The following SMOC2 variants were observed in gnomAD, a reference collection of about 807,000 sequenced individuals.
SMOC2 encodes SPARC related modular calcium binding 2.
In SMOC2, 39 loss-of-function variants were observed where a neutral mutation model predicts 61.4. The ratio of observed to expected loss-of-function variants is 0.64; its 90% CI spans 0.49 to 0.83. SMOC2 has a LOEUF of 0.83. Among genes scored for constraint, SMOC2 ranks in the 40% least tolerant of loss-of-function variants. The probability of loss-of-function intolerance (pLI) is 0.00; values close to 1 mark genes in which losing one functional copy is unlikely to be tolerated. For synonymous variants in SMOC2, 247 were observed against 239.9 expected (o/e 1.03, Z -0.27); for missense variants, 556 against 592.9 (o/e 0.94, Z 0.65).
chr6:168,588,062 T>G (rs1314084996), intron 7 of SMOC2, among the ~76,000 whole-genome samples: 1 of 151,732 alleles, frequency 6.6e-6, no homozygotes, highest in Non-Finnish European at 1.5e-5. Context: ...GTAAACGGTG[T>G]CCTTTTGTTT....
intron 1 of SMOC2, among the ~76,000 whole-genome samples, chr6:168,496,735 C>T (rs1429159141): frequency 6.6e-6 from 1 of 152,202 alleles, no homozygotes; most frequent in Non-Finnish European, 1.5e-5. Context: ...TGCCCATCTC[C>T]AAGATTGCAC....
At chr6:168,606,679 A>G (rs1785701813) in intron 8 of SMOC2, among the ~76,000 whole-genome samples, 1 of 152,236 alleles carries the variant, frequency 6.6e-6, no homozygotes, top group African/African-American at 2.4e-5. Context: ...AGAATGAAAA[A>G]AGAAAATAGG....
At chr6:168,588,527 A>G (rs1451761902) in intron 7 of SMOC2, among the ~76,000 whole-genome samples, 1 of 152,132 alleles carries the variant, frequency 6.6e-6, no homozygotes, top group African/African-American at 2.4e-5. Flanking sequence ...AAATGCCATC[A>G]GCTTTGGAGA....
chr6:168,531,399 C>A (rs559318018), intron 4 of SMOC2, among the ~76,000 whole-genome samples: 1 of 152,186 alleles, frequency 6.6e-6, no homozygotes, highest in Admixed American at 6.5e-5. Flanking sequence ...AAAGCGGTAA[C>A]GCAGGCTGAA....
intron 11 of SMOC2, among the ~76,000 whole-genome samples, chr6:168,660,768 G>T (rs192167579): frequency 2.0e-5 from 3 of 152,368 alleles, no homozygotes; most frequent in Admixed American, 2.0e-4. Context: ...GGCCCGAGCC[G>T]CAGTGTGGGG....
chr6:168,538,743 G>A (rs1270088695), intron 4 of SMOC2, among the ~76,000 whole-genome samples: 1 of 143,794 alleles, frequency 7.0e-6, no homozygotes, highest in Non-Finnish European at 1.5e-5. Context: ...GGAATGTGGG[G>A]GAGTGGGGTG....
intron 9 of SMOC2, among the ~76,000 whole-genome samples, chr6:168,638,090 T>C (rs1786792355): frequency 7.3e-6 from 1 of 136,376 alleles, no homozygotes; most frequent in South Asian, 2.7e-4. Context: ...GCCCCTGCCC[T>C]GCCCAGGAAG....
intron 1 of SMOC2, among the ~76,000 whole-genome samples, chr6:168,499,248 C>T (rs1374953795): frequency 1.3e-5 from 2 of 152,238 alleles, no homozygotes; most frequent in African/African-American, 4.8e-5. Flanking sequence ...GTGCTGCATG[C>T]TGCCGCTGAG....
chr6:168,501,202 CAAATA>C (rs1439267537), intron 1 of SMOC2, among the ~76,000 whole-genome samples: 4 of 152,146 alleles, frequency 2.6e-5, no homozygotes, highest in Non-Finnish European at 5.9e-5. Context: ...TACTGAATCT[CAAATA>C]AAACTGGATT....
At chr6:168,509,263 G>A (rs1006398549) in intron 1 of SMOC2, among the ~76,000 whole-genome samples, 14 of 152,218 alleles carry the variant, frequency 9.2e-5, no homozygotes, top group African/African-American at 3.4e-4. Flanking sequence ...TATGGCCTGC[G>A]GAGAGGATTC....
At chr6:168,501,446 C>T (rs573136369) in intron 1 of SMOC2, among the ~76,000 whole-genome samples, 4 of 151,826 alleles carry the variant, frequency 2.6e-5, no homozygotes, top group African/African-American at 4.8e-5. Flanking sequence ...GTCCATCCCT[C>T]GCTATGGGGC....
intron 9 of SMOC2, among the ~76,000 whole-genome samples, chr6:168,624,762 C>G (rs1786350439): frequency 6.6e-6 from 1 of 151,570 alleles, no homozygotes; most frequent in Non-Finnish European, 1.5e-5. Context: ...CTCACAGACA[C>G]ATGCACACAG....
chr6:168,536,655 G>A (rs376981759), intron 4 of SMOC2, among the ~76,000 whole-genome samples: 4 of 152,160 alleles, frequency 2.6e-5, no homozygotes, highest in East Asian at 1.9e-4. Flanking sequence ...AGCCTCCCCC[G>A]GACTCAGTGT....
chr6:168,611,297 G>A (rs9456241), intron 9 of SMOC2, among the ~76,000 whole-genome samples: 2 of 52,674 alleles, frequency 3.8e-5, no homozygotes, highest in African/African-American at 7.7e-5. Context: ...GGGCCTGGCT[G>A]TGGCTCCCAT....
chr6:168,441,599 C>G lies in SMOC2; in HGVS notation c.84+145C>G, dbSNP rs546677475. 1,673 of 1,200,508 alleles carry G rather than the reference C, an allele frequency of 1.4e-3. 6 individuals carry two copies. The highest frequency in any genetic ancestry group is 1.7e-3 in the Non-Finnish European group (1,555 of 930,418). The allele number at this position is 1,200,508 out of a possible 1,614,324, so 74.4% of individuals were successfully genotyped here. On this transcript the variant is annotated intron_variant, in intron 1 of 12. Transcript: ENST00000356284. Reference sequence around the variant, plus strand: ...CGGGGGCCGTGGAGCCTTCGCCTGCCGGCGAGGCTGGAGCAGGTAGGACGC... The same window carrying G: ...CGGGGGCCGTGGAGCCTTCGCCTGCGGGCGAGGCTGGAGCAGGTAGGACGC...
intron 2 of SMOC2, among the ~76,000 whole-genome samples, chr6:168,518,951 TAGTG>T (rs1783239526): frequency 7.3e-6 from 1 of 137,388 alleles, no homozygotes; most frequent in Admixed American, 7.2e-5. Context: ...GCATGTGTGT[TAGTG>T]TGTATCCGTG....
At chr6:168,633,632 A>G (rs906951610) in intron 9 of SMOC2, among the ~76,000 whole-genome samples, 2 of 152,248 alleles carry the variant, frequency 1.3e-5, no homozygotes, top group Admixed American at 6.5e-5. Flanking sequence ...CAGAAGAAGA[A>G]GTGAGTCCTC....
At chr6:168,537,530 G>T (rs991962761) in intron 4 of SMOC2, among the ~76,000 whole-genome samples, 1 of 152,266 alleles carries the variant, frequency 6.6e-6, no homozygotes, top group East Asian at 1.9e-4. Flanking sequence ...CTGAAAGCTG[G>T]TCCTATTTAG....
intron 8 of SMOC2, among the ~76,000 whole-genome samples, chr6:168,601,189 G>A (rs2115191142): frequency 6.6e-6 from 1 of 152,358 alleles, no homozygotes; most frequent in South Asian, 2.1e-4. Flanking sequence ...AGGGGCTCAA[G>A]CCGACTAATG....
Sources: gnomAD v4.1 joint callset for allele counts (sites outside exome capture counted in the v4.1 genomes callset) on GRCh38, gnomAD v4.1.1 for gene constraint, MANE v1.5 for transcripts, NCBI Gene and HGNC (gene_info 2026-07-23, HGNC 2026-07-21) for gene names.